STK36: variants seen among roughly 807,000 people sequenced by gnomAD.
STK36 encodes serine/threonine-protein kinase 36.
Under a neutral mutation model 142.2 loss-of-function variants are expected in STK36, and 116 were observed. That is an observed-to-expected ratio of 0.82 (90% confidence interval 0.70 to 0.95). The LOEUF (loss-of-function observed/expected upper bound fraction) is 0.95. Ranked by LOEUF, STK36 falls within the 40% of genes least tolerant of loss-of-function variation. STK36 has a pLI of 0.00. For synonymous variants in STK36, 619 were observed against 641.7 expected (o/e 0.96, Z 0.53); for missense variants, 1,422 against 1,617.2 (o/e 0.88, Z 2.07).
rs1559342748 is a variant in STK36 at position 218,694,341 on chromosome 2, C to G, written c.2400+14C>G. ...GTCTCTCTTGTGGTAAGTTTTTAAC[C>G]TTCACCCTCCTCCCCTTTTCACCCT... On this transcript the variant is annotated intron_variant, in intron 20 of 26. Coordinates refer to ENST00000295709, the MANE Select transcript of STK36 (RefSeq NM_015690.5). This position sits in a 1 kb window ranked among gnomAD's most constrained non-coding sequence, Gnocchi z 4.4. 4 of 1,611,270 alleles carry G rather than the reference C, an allele frequency of 2.5e-6. No homozygotes were observed. The South Asian group carries it at 4.4e-5, about 18-fold the overall frequency.
chr2:218,680,043 G>A lies in STK36; in HGVS notation c.1099G>A (p.Ala367Thr). The A allele has an allele frequency of 6.2e-7, 1 of 1,614,174 alleles. No homozygotes were observed. Among genetic ancestry groups the A allele is most frequent in the Non-Finnish European group, 8.5e-7 (1 of 1,180,034 alleles). The change falls in exon 9 of 27, where the codon GCT becomes ACT. Residue 367 changes from alanine (A) to threonine (T), a missense_variant. Around this residue, in one of 2 missense-constraint regions of STK36, gnomAD observed 962 missense variants for 1,167.5 expected, o/e 0.82. Coordinates refer to ENST00000295709, the MANE Select transcript of STK36 (RefSeq NM_015690.5). Reference sequence around the variant, plus strand: ...AGCCTCAGAATTGAAGAGCAGCTGGGCTAAATCAGGGACTGGAGAGGTGCC... The same window carrying A: ...AGCCTCAGAATTGAAGAGCAGCTGGACTAAATCAGGGACTGGAGAGGTGCC... ...ILASELKSSW[A>T]KSGTGEVPSA...
In STK36 at chr2:218,697,043, G is replaced by A; in HGVS notation, c.2591G>A (p.Gly864Glu). 2 of 1,613,636 alleles carry A rather than the reference G, an allele frequency of 1.2e-6. No homozygotes were observed. Among genetic ancestry groups the A allele is most frequent in the Non-Finnish European group, 1.7e-6 (2 of 1,179,858 alleles). The change falls in exon 23 of 27, where the codon GGG (glycine) becomes GAG (glutamate). Residue 864 changes from glycine to glutamate, a missense_variant. Gly to Glu is a moderately conservative substitution (Grantham distance 98, BLOSUM62 -2). Transcript: ENST00000295709. ...CTCTTTCACTTTTATCTCTAGCAGG[G>A]GAAGGCTAGCCTAATCAGGGATATG... ...ILLLQLLTEQ[G>E]KASLIRDMSS... is the part of the protein sequence containing the mutation.
At chr2:218,684,998 A>G (rs1575130405) in intron 10 of STK36, 87 bp from the exon 11 acceptor site, 1 of 1,549,842 alleles carries the variant, frequency 6.5e-7, no homozygotes. Flanking sequence ...CAGTTACTTC[A>G]TGATTCCCCA....
chr2:218,684,414 C>CT (rs779556469), intron 10 of STK36, among the ~76,000 whole-genome samples: 28,283 of 48,322 alleles, frequency 0.59, 10,714 homozygotes, highest in East Asian at 0.77. Flanking sequence ...TGCGCCTGGC[C>CT]TTTTTTTTTT....
At chr2:218,679,831 A>T (rs1400371202) in intron 8 of STK36, 62 bp from the exon 9 acceptor site, 2 of 1,604,136 alleles carry the variant, frequency 1.2e-6, no homozygotes, top group East Asian at 2.2e-5. Context: ...CGTGAATAGC[A>T]TTCATATTGT....
intron 17 of STK36, 62 bp downstream of exon 17, chr2:218,693,406 CA>C: frequency 1.4e-6 from 2 of 1,469,684 alleles, no homozygotes; most frequent in Non-Finnish European, 1.9e-6. Flanking sequence ...GACAGAGAAG[CA>C]GAGAAACAGA....
At chr2:218,675,236 G>T in intron 4 of STK36, 107 bp from the exon 5 acceptor site, 1 of 1,228,808 alleles carries the variant, frequency 8.1e-7, no homozygotes, top group Admixed American at 2.3e-5. Flanking sequence ...CTGCAAGAAA[G>T]GGAAGGAAGA....
chr2:218,699,689 T>G (rs994559253), intron 26 of STK36, among the ~76,000 whole-genome samples: 3 of 152,188 alleles, frequency 2.0e-5, no homozygotes, highest in African/African-American at 7.2e-5. Context: ...TGACTATTTT[T>G]TTTTTAGACT....
intron 21 of STK36, among the ~76,000 whole-genome samples, chr2:218,696,184 A>G (rs1284086586): frequency 6.6e-6 from 1 of 152,116 alleles, no homozygotes; most frequent in African/African-American, 2.4e-5. Context: ...TTTATAAAAC[A>G]TTTTCACATG....
rs55839518 is a variant in STK36 at position 218,680,624 on chromosome 2, T to G, written c.1158T>G (p.Asp386Glu). The G allele has an allele frequency of 1.2e-6, 2 of 1,613,342 alleles. No individual in the cohort carries two copies. The change falls in exon 10 of 27, where the codon GAT becomes GAG. Residue 386 changes from aspartate (D) to glutamate (E), a missense_variant. Around this residue, in one of 2 missense-constraint regions of STK36, gnomAD observed 962 missense variants for 1,167.5 expected, o/e 0.82. Transcript: ENST00000295709. The part of the protein sequence containing the change: ...SAPRENRTTP[D>E]CERAFPEERP... ...GCAGGGAAAACCGGACCACCCCAGA[T>G]TGTGAACGAGCATTCCCAGAGGAGA...
chr2:218,675,192 G>T, intron 4 of STK36, 151 bp from the exon 5 acceptor site: 1 of 790,278 alleles, frequency 1.3e-6, no homozygotes, highest in South Asian at 2.7e-5. Context: ...ATTAAACAAG[G>T]GGAACAATAA....
Position 218,693,948 on chromosome 2 carries a change from C to T in STK36, c.2301C>T (p.Ser767=). ...ESTEVTLYFL[S]LLVFRLQNLP... ...CTGAAGTGACACTCTACTTCCTCTC[C>T]CTTCTTGTCTTTCGGCTCCAAAACC... Residue 767 remains serine, a synonymous_variant, in exon 19 of 27, where the codon TCC becomes TCT. Coordinates refer to ENST00000295709, the MANE Select transcript of STK36 (RefSeq NM_015690.5). 6.2e-7 allele frequency: 1 copy of T among 1,614,246 alleles called. No individual in the cohort carries two copies. Among genetic ancestry groups the T allele is most frequent in the South Asian group, 1.1e-5 (1 of 91,088 alleles).
chr2:218,697,833 C>T (rs1559345390), intron 24 of STK36, 21 bp from the exon 25 acceptor site: 1 of 1,614,188 alleles, frequency 6.2e-7, no homozygotes, highest in South Asian at 1.1e-5. Flanking sequence ...GACCAAGTCT[C>T]TTCGACATTC....
intron 5 of STK36, 36 bp downstream of exon 5, chr2:218,675,509 C>T: frequency 6.4e-7 from 1 of 1,557,798 alleles, no homozygotes; most frequent in East Asian, 2.3e-5. Context: ...GCTTCCAGTT[C>T]CACACGGAAT....
At chr2:218,689,821 T>C in intron 12 of STK36, 38 bp from the exon 13 acceptor site, 1 of 1,569,300 alleles carries the variant, frequency 6.4e-7, no homozygotes, top group Non-Finnish European at 8.7e-7. Context: ...TTTCCATCCT[T>C]CACATTGCCC....
At chr2:218,672,655 A>C in intron 1 of STK36, 86 bp from the exon 2 acceptor site, 1 of 597,930 alleles carries the variant, frequency 1.7e-6, no homozygotes, top group Non-Finnish European at 3.0e-6. Flanking sequence ...CATGCATTCC[A>C]CCCTCCCATG....
At position 218,702,584 on chromosome 2, in the gene STK36, TTC is replaced by T. The variant is rs967009291; in HGVS notation, c.*577_*578del. ...GTGTATGTGTGTGTGTGTTTAATAGTTCTGTTTGTAAACTCTTTTAATAAAAG... is the reference window on the plus strand; with the variant it reads ...GTGTATGTGTGTGTGTGTTTAATAGTTGTTTGTAAACTCTTTTAATAAAAG... On this transcript the variant is annotated 3_prime_UTR_variant, in exon 27 of 27. Transcript: ENST00000295709. 1 of 152,090 alleles carries T rather than the reference TTC, an allele frequency of 6.6e-6. No homozygotes were observed. The highest frequency in any genetic ancestry group is 1.5e-5 in the Non-Finnish European group (1 of 68,028). The allele number at this position is 152,090 out of a possible 1,614,324, so 9.4% of individuals were successfully genotyped here.
chr2:218,693,352 T>G lies in STK36; in HGVS notation c.2148+8T>G. The G allele has an allele frequency of 6.2e-7, 1 of 1,612,202 alleles. No individual in the cohort carries two copies. The highest frequency in any genetic ancestry group is 8.5e-7 in the Non-Finnish European group (1 of 1,178,520). Reference sequence around the variant, plus strand: ...TGCCTGCACCTTCTCAAGGTAATCCTCTTAACTCCTGGCATCACAGCTTTA... The same window carrying G: ...TGCCTGCACCTTCTCAAGGTAATCCGCTTAACTCCTGGCATCACAGCTTTA... On this transcript the variant is annotated splice_region_variant and intron_variant, in intron 17 of 26. Transcript: ENST00000295709.
intron 11 of STK36, among the ~76,000 whole-genome samples, chr2:218,688,128 C>T (rs945380546): frequency 6.6e-6 from 1 of 152,164 alleles, no homozygotes; most frequent in Non-Finnish European, 1.5e-5. Context: ...CCATTACACT[C>T]CAGCCTGGAG....
Sources: allele counts gnomAD v4.1 joint callset (sites outside exome capture counted in the v4.1 genomes callset), GRCh38; gene constraint gnomAD v4.1.1; regional missense constraint gnomAD v4.1.1; non-coding constraint Gnocchi (gnomAD v3.1); transcripts MANE v1.5; gene names NCBI Gene and HGNC (gene_info 2026-07-23, HGNC 2026-07-21).